Variants in TENM3 observed in about 807,000 individuals in gnomAD.
The protein encoded by TENM3 is teneurin transmembrane protein 3, also known as teneurin-3.
In TENM3, 63 loss-of-function variants were observed where a neutral mutation model predicts 255.1. The observed-to-expected ratio is 0.25, with a 90% CI of 0.20 to 0.30. The LOEUF (loss-of-function observed/expected upper bound fraction) is 0.30. Among genes scored for constraint, TENM3 ranks in the 10% least tolerant of loss-of-function variants. TENM3 has a pLI of 1.00. For synonymous variants in TENM3, 1,306 were observed against 1,322.3 expected (o/e 0.99, Z 0.27); for missense variants, 2,929 against 3,461.1 (o/e 0.85, Z 3.86).
rs559004887 is a variant in TENM3, at chr4:182,289,325, T to C, written c.-75-34621T>C. 5.3e-5 allele frequency among the ~76,000 whole-genome samples: 8 copies of C among 152,360 alleles called. No individual in the cohort carries two copies. The South Asian group carries it at 1.7e-3, about 32-fold the overall frequency. ...TGTCCAGTTTAGATAAAGGACTTAC[T>C]CTATCTACAGCGGCCTGTTCCTGGC... On this transcript the variant is annotated intron_variant, in intron 1 of 27. Coordinates refer to ENST00000511685, the MANE Select transcript of TENM3 (RefSeq NM_001080477.4).
the TENM3 span, among the ~76,000 whole-genome samples, chr4:181,607,751 C>T: frequency 1.3e-5 from 2 of 152,142 alleles, no homozygotes; most frequent in South Asian, 4.2e-4. Context: ...ACCACACTGG[C>T]CAGCGCCGCT....
the TENM3 span, chr4:181,905,930 C>A: frequency 1.8e-6 from 1 of 571,238 alleles, no homozygotes; most frequent in Non-Finnish European, 3.3e-6. Context: ...GACATTGCTC[C>A]AACTTCGGTT....
the TENM3 span, among the ~76,000 whole-genome samples, chr4:181,611,370 A>T: frequency 2.0e-5 from 3 of 152,202 alleles, no homozygotes; most frequent in African/African-American, 2.4e-5. Context: ...TATTTTAATC[A>T]TGGTGACTTT....
At chr4:181,451,438 G>C in the TENM3 span, among the ~76,000 whole-genome samples, 1 of 152,194 alleles carries the variant, frequency 6.6e-6, no homozygotes, top group Non-Finnish European at 1.5e-5. Flanking sequence ...ATCTAGGTAG[G>C]AGACTGATGA....
At chr4:182,221,432 G>T (rs1344868968) in intron 1 of TENM3, among the ~76,000 whole-genome samples, 1 of 152,168 alleles carries the variant, frequency 6.6e-6, no homozygotes, top group African/African-American at 2.4e-5. Context: ...TTGGTATAAA[G>T]TGGCCACTAC....
the TENM3 span, among the ~76,000 whole-genome samples, chr4:182,077,843 C>T: frequency 0.015 from 2,220 of 151,994 alleles, 212 homozygotes; most frequent in East Asian, 0.28. Context: ...TGGGAGGGGG[C>T]GTGGCACCAT....
the TENM3 span, among the ~76,000 whole-genome samples, chr4:181,854,573 C>T: frequency 2.0e-5 from 3 of 152,158 alleles, no homozygotes; most frequent in Non-Finnish European, 4.4e-5. Context: ...CCGAATCATG[C>T]CATAATAGAC....
intron 5 of TENM3, among the ~76,000 whole-genome samples, chr4:182,649,313 A>G (rs558350654): frequency 1.3e-5 from 2 of 150,724 alleles, no homozygotes; most frequent in South Asian, 2.2e-4. Flanking sequence ...TTCTACAAAA[A>G]AAGAAGATAA....
At chr4:181,919,582 G>C in the TENM3 span, among the ~76,000 whole-genome samples, 635 of 152,084 alleles carry the variant, frequency 4.2e-3, 18 homozygotes, top group South Asian at 0.059. Context: ...GTTGAAAGTA[G>C]GTTGAAAGGT....
At chr4:182,778,901 A>AGT (rs1764909615) in intron 24 of TENM3, among the ~76,000 whole-genome samples, 1 of 146,448 alleles carries the variant, frequency 6.8e-6, no homozygotes, top group African/African-American at 2.5e-5. Flanking sequence ...TTGTTATTTA[A>AGT]GTGTGTGTGT....
chr4:181,545,261 A>G, the TENM3 span, among the ~76,000 whole-genome samples: 1 of 149,644 alleles, frequency 6.7e-6, no homozygotes, highest in Non-Finnish European at 1.5e-5. Flanking sequence ...AATATGTAAA[A>G]CTTTAATGTG....
intron 1 of TENM3, among the ~76,000 whole-genome samples, chr4:182,232,022 T>C (rs1756614800): frequency 6.6e-6 from 1 of 152,192 alleles, no homozygotes; most frequent in South Asian, 2.1e-4. Context: ...TAACTAGAGG[T>C]ACAATTAAAC....
At chr4:182,120,397 C>G in the TENM3 span, among the ~76,000 whole-genome samples, 1 of 152,258 alleles carries the variant, frequency 6.6e-6, no homozygotes, top group Non-Finnish European at 1.5e-5. Context: ...AGGCATTTCT[C>G]AGAATGTATC....
intron 3 of TENM3, among the ~76,000 whole-genome samples, chr4:182,366,064 A>C (rs2150820286): frequency 6.6e-6 from 1 of 152,338 alleles, no homozygotes; most frequent in Admixed American, 6.5e-5. Context: ...GTAGAGATAT[A>C]GATACAGATA....
At chr4:182,346,954 A>G (rs1319069028) in intron 3 of TENM3, 25 bp downstream of exon 3, 8 of 1,472,466 alleles carry the variant, frequency 5.4e-6, no homozygotes, top group Non-Finnish European at 7.3e-6. Context: ...TGGCTTTATA[A>G]TGTTGGCATT....
intron 3 of TENM3, among the ~76,000 whole-genome samples, chr4:182,371,713 GC>G (rs1369599182): frequency 2.0e-5 from 3 of 152,040 alleles, no homozygotes; most frequent in Non-Finnish European, 2.9e-5. Flanking sequence ...TTCCTATCCT[GC>G]TTCTAATTAT....
chr4:182,628,691 T>G lies in TENM3; in HGVS notation c.790T>G (p.Phe264Val). ...AACAGGAACAGGTACAACGCCACTG[T>G]TCAGTACTGCAACCCCAGGATACAC... Reference protein sequence around the residue: ...FKTGTGTTPLFSTATPGYTMA... With the variant: ...FKTGTGTTPLVSTATPGYTMA... The change falls in exon 5 of 28, where the codon TTC becomes GTC. Residue 264 changes from phenylalanine to valine, a missense_variant. Physicochemically the swap from Phe to Val is conservative, Grantham distance 50. Transcript: ENST00000511685. 6.2e-7 allele frequency: 1 copy of G among 1,604,694 alleles called. No individual in the cohort carries two copies. Among genetic ancestry groups the G allele is most frequent in the South Asian group, 1.1e-5 (1 of 88,986 alleles).
chr4:181,985,919 T>C, the TENM3 span, among the ~76,000 whole-genome samples: 4 of 152,024 alleles, frequency 2.6e-5, no homozygotes, highest in African/African-American at 9.7e-5. Context: ...ACCTGCACCC[T>C]TTTTCCCCTC....
At chr4:182,750,171 G>C (rs1186212867) in intron 19 of TENM3, among the ~76,000 whole-genome samples, 1 of 152,162 alleles carries the variant, frequency 6.6e-6, no homozygotes, top group East Asian at 1.9e-4. Flanking sequence ...GCATAACCCA[G>C]TTGTTCTGAA....
Sources: gnomAD v4.1 joint callset for allele counts (sites outside exome capture counted in the v4.1 genomes callset) on GRCh38, gnomAD v4.1.1 for gene constraint, MANE v1.5 for transcripts, NCBI Gene and HGNC (gene_info 2026-07-23, HGNC 2026-07-21) for gene names.